SLC1A3: variants seen among roughly 807,000 people sequenced by gnomAD.
SLC1A3 encodes the protein excitatory amino acid transporter 1.
SLC1A3 carries 21 observed loss-of-function variants against 48.1 expected under a neutral mutation model. That is an observed-to-expected ratio of 0.44 (90% CI 0.31 to 0.63). SLC1A3 has a LOEUF of 0.63. Among genes scored for constraint, SLC1A3 ranks in the 20% least tolerant of loss-of-function variants. The pLI, the probability that SLC1A3 is intolerant of heterozygous loss-of-function variation, is 0.08. For synonymous variants in SLC1A3, 239 were observed against 251.4 expected (o/e 0.95, Z 0.47); for missense variants, 546 against 689.0 (o/e 0.79, Z 2.32).
Position 36,634,049 on chromosome 5 carries a change from G to A in SLC1A3, c.319+4462G>A, listed in dbSNP as rs916158162. Reference sequence around the variant, plus strand: ...CCAGCACTTTGGGAGACTAAAGCTGGCAGATCACTTGAGGTCACATGTTCG... The same window carrying A: ...CCAGCACTTTGGGAGACTAAAGCTGACAGATCACTTGAGGTCACATGTTCG... On this transcript the variant is annotated intron_variant, in intron 3 of 9. Transcript: ENST00000265113. Among the ~76,000 whole-genome samples, 84 of 152,270 alleles carry A rather than the reference G, an allele frequency of 5.5e-4. 1 individual carries two copies. Among genetic ancestry groups the A allele is most frequent in the African/African-American group, 1.9e-3 (79 of 41,536 alleles).
intron 3 of SLC1A3, among the ~76,000 whole-genome samples, chr5:36,648,457 T>C (rs752187323): frequency 3.2e-4 from 48 of 152,204 alleles, no homozygotes; most frequent in Admixed American, 2.6e-4. Flanking sequence ...AAAAATGCAT[T>C]CTGTCCCACG....
upstream of SLC1A3, among the ~76,000 whole-genome samples, chr5:36,606,106 G>A (rs1475696425): frequency 6.6e-6 from 1 of 152,204 alleles, no homozygotes. Context: ...GACAAATTTA[G>A]AGAATCGTAG....
At chr5:36,637,642 T>C in intron 3 of SLC1A3, among the ~76,000 whole-genome samples, 1 of 152,326 alleles carries the variant, frequency 6.6e-6, no homozygotes, top group South Asian at 2.1e-4. Flanking sequence ...AACTGCAGGT[T>C]TCTTCTGCTG....
chr5:36,643,188 C>T (rs567730400), intron 3 of SLC1A3, among the ~76,000 whole-genome samples: 135 of 152,292 alleles, frequency 8.9e-4, no homozygotes, highest in African/African-American at 3.2e-3. Flanking sequence ...AATAGAATTG[C>T]TGGGTCATAT....
intron 2 of SLC1A3, among the ~76,000 whole-genome samples, chr5:36,622,853 A>AG (rs1215420549): frequency 1.2e-5 from 1 of 83,590 alleles, no homozygotes; most frequent in Non-Finnish European, 2.7e-5. Flanking sequence ...CTAAAAAAAA[A>AG]TACAAAAAAT....
chr5:36,598,770 C>T (rs1026606196), intron 1 of SLC1A3, among the ~76,000 whole-genome samples: 6 of 152,024 alleles, frequency 3.9e-5, no homozygotes, highest in African/African-American at 1.4e-4. Context: ...TATAGGTGTC[C>T]GCCATCATGC....
At chr5:36,622,130 T>C (rs1158694622) in intron 2 of SLC1A3, among the ~76,000 whole-genome samples, 1 of 152,216 alleles carries the variant, frequency 6.6e-6, no homozygotes, top group Non-Finnish European at 1.5e-5. Context: ...CTGAGGTTTT[T>C]CTGGGCAATG....
chr5:36,602,923 G>A (rs1252802622), upstream of SLC1A3, among the ~76,000 whole-genome samples: 1 of 152,206 alleles, frequency 6.6e-6, no homozygotes. Context: ...GGCAGCCTTG[G>A]CTCAGTGTCA....
rs769171398 is a variant in SLC1A3 at position 36,677,182 on chromosome 5, G to A, written c.858G>A (p.Met286Ile). The A allele has an allele frequency of 9.3e-6, 15 of 1,612,468 alleles. No individual in the cohort carries two copies. The Admixed American group carries it at 2.5e-4, about 27-fold the overall frequency. Residue 286 changes from methionine to isoleucine, a missense_variant and splice_region_variant, in exon 6 of 10, where the codon ATG (methionine) becomes ATA (isoleucine). Around this residue, in one of 3 missense-constraint regions of SLC1A3, gnomAD observed 348 missense variants for 392.0 expected, o/e 0.89. Transcript: ENST00000265113. Reference protein sequence around the residue: ...EAIMRLVAVIMWYAPVGILFL... With the variant: ...EAIMRLVAVIIWYAPVGILFL... ...TCATGAGACTGGTAGCAGTAATAAT[G>A]TGGTATGTATTTCCATTTTCTATAT...
At chr5:36,597,883 T>A (rs571189099) in intron 1 of SLC1A3, among the ~76,000 whole-genome samples, 49 of 152,312 alleles carry the variant, frequency 3.2e-4, no homozygotes, top group African/African-American at 1.1e-3. Flanking sequence ...TGAATTCATG[T>A]CTGTCCTGTC....
chr5:36,607,362 G>A (rs1487224290), intron 1 of SLC1A3: 2 of 152,142 alleles, frequency 1.3e-5, no homozygotes, highest in African/African-American at 4.8e-5. Context: ...ATGGATTAGA[G>A]CTCCTGTAAA....
At chr5:36,638,414 C>G (rs562028194) in intron 3 of SLC1A3, among the ~76,000 whole-genome samples, 34 of 152,290 alleles carry the variant, frequency 2.2e-4, no homozygotes, top group Admixed American at 2.2e-3. Flanking sequence ...TAGTATGCTT[C>G]CCTCTTCCCT....
intron 3 of SLC1A3, among the ~76,000 whole-genome samples, chr5:36,647,541 G>A (rs1033419756): frequency 6.6e-6 from 1 of 152,228 alleles, no homozygotes; most frequent in African/African-American, 2.4e-5. Context: ...GAAGAGAGAA[G>A]TGGGGAGAGA....
In SLC1A3 at chr5:36,626,708, A is replaced by C. The variant is rs187417717; in HGVS notation, c.182-2742A>C. Among the ~76,000 whole-genome samples, 858 of 152,336 alleles carry C rather than the reference A, an allele frequency of 5.6e-3. 12 individuals carry two copies. The highest frequency in any genetic ancestry group is 0.019 in the African/African-American group (802 of 41,572). Reference sequence around the variant, plus strand: ...AATGTTTGTTTATTTATATGTGATAAAGCACTTATCTTTGTGTGACTTGGC... The same window carrying C: ...AATGTTTGTTTATTTATATGTGATACAGCACTTATCTTTGTGTGACTTGGC... On this transcript the variant is annotated intron_variant, in intron 2 of 9. Transcript: ENST00000265113.
chr5:36,599,508 CTTT>C lies in SLC1A3; in HGVS notation c.-96+2847_-96+2849del, dbSNP rs1176214248. On this transcript the variant is annotated intron_variant, in intron 1 of 9. Transcript: ENST00000680318. ...CCTACACATCGTAGCTACGGTTGAACTTTTTTTTTTTTTTTTTTTGAGACGGAG... is the reference window on the plus strand; with the variant it reads ...CCTACACATCGTAGCTACGGTTGAACTTTTTTTTTTTTTTTTGAGACGGAG... Among the ~76,000 whole-genome samples the C allele has an allele frequency of 5.8e-3, 455 of 78,296 alleles. 19 individuals are homozygous for C. The highest frequency in any genetic ancestry group is 0.022 in the African/African-American group (422 of 19,074). 51.4% of individuals were successfully genotyped at this position (78,296 alleles called of 152,430 possible). A position where few individuals can be genotyped will look rare whatever the true frequency, so the allele number is the denominator to read the frequency against.
chr5:36,608,367 G>T lies in SLC1A3; in HGVS notation c.-57G>T, dbSNP rs1345838174. ...TACCAAAGAGGAGGTTTGGCTTTCT[G>T]TGGGTGATTCCCAGACACTGAAGTG... On this transcript the variant is annotated 5_prime_UTR_variant, in exon 2 of 10. Transcript: ENST00000265113. 3 of 1,548,118 alleles carry T rather than the reference G, an allele frequency of 1.9e-6. No individual in the cohort carries two copies. In the African/African-American group the frequency reaches 4.1e-5, roughly 21 times the overall value.
chr5:36,623,957 T>A (rs1739798756), intron 2 of SLC1A3, among the ~76,000 whole-genome samples: 2 of 152,108 alleles, frequency 1.3e-5, no homozygotes, highest in Non-Finnish European at 2.9e-5. Flanking sequence ...GAGAAGTCTG[T>A]GTATCAGGCT....
chr5:36,653,777 G>T (rs896308611), intron 3 of SLC1A3, among the ~76,000 whole-genome samples: 8 of 152,174 alleles, frequency 5.3e-5, no homozygotes, highest in African/African-American at 1.9e-4. Context: ...TACAATAAGT[G>T]CTCAATAAAT....
chr5:36,639,666 G>A (rs1482561979), intron 3 of SLC1A3, among the ~76,000 whole-genome samples: 1 of 152,134 alleles, frequency 6.6e-6, no homozygotes, highest in African/African-American at 2.4e-5. Flanking sequence ...TCTCCCAAAA[G>A]GATGCTGTTT....
Sources: gnomAD v4.1 joint callset for allele counts (sites outside exome capture counted in the v4.1 genomes callset) on GRCh38, gnomAD v4.1.1 for gene constraint, gnomAD v4.1.1 regional missense constraint, MANE v1.5 for transcripts, NCBI Gene and HGNC (gene_info 2026-07-23, HGNC 2026-07-21) for gene names.